Variants in ZMYND8 observed in about 807,000 individuals in gnomAD.
ZMYND8 encodes the protein MYND-type zinc finger-containing chromatin reader ZMYND8.
In ZMYND8, 37 loss-of-function variants were observed where a neutral mutation model predicts 140.8. The ratio of observed to expected loss-of-function variants is 0.26; its 90% CI spans 0.20 to 0.35. The LOEUF (loss-of-function observed/expected upper bound fraction) is 0.35, where lower values mean the gene tolerates loss of function less well. Among genes scored for constraint, ZMYND8 ranks in the 10% least tolerant of loss-of-function variants. The probability of loss-of-function intolerance (pLI) is 1.00; values close to 1 mark genes in which losing one functional copy is unlikely to be tolerated. For missense variants in ZMYND8, 1,068 were observed against 1,570.0 expected (o/e 0.68, Z 5.40); for synonymous variants, 592 against 597.1 (o/e 0.99, Z 0.12).
At chr20:47,341,927 C>T (rs1198886967) in intron 2 of ZMYND8, among the ~76,000 whole-genome samples, 2 of 151,638 alleles carry the variant, frequency 1.3e-5, no homozygotes, top group Admixed American at 6.6e-5. Context: ...GGCGTGAACC[C>T]GGGAGGCGGA....
intron 11 of ZMYND8, among the ~76,000 whole-genome samples, chr20:47,269,012 C>A (rs542418155): frequency 1.5e-4 from 23 of 152,142 alleles, no homozygotes; most frequent in African/African-American, 5.1e-4. Flanking sequence ...ACCGGCCTGG[C>A]CAACATGGCA....
chr20:47,227,150 A>G, intron 18 of ZMYND8, 53 bp downstream of exon 18: 2 of 1,588,412 alleles, frequency 1.3e-6, no homozygotes, highest in South Asian at 1.1e-5. Flanking sequence ...AGAGGTGCAA[A>G]GAAGTTCACA....
chr20:47,341,957 C>CGCGCCACTGCACTCCAGCCTGGGTGACAG (rs2148543565), intron 2 of ZMYND8, among the ~76,000 whole-genome samples: 1 of 150,698 alleles, frequency 6.6e-6, no homozygotes, highest in African/African-American at 2.4e-5. Context: ...GAGCGGAGAT[C>CGCGCCACTGCACTCCAGCCTGGGTGACAG]GCGCCACTGC....
At chr20:47,282,483 G>A (rs1179846453) in intron 9 of ZMYND8, among the ~76,000 whole-genome samples, 2 of 152,096 alleles carry the variant, frequency 1.3e-5, no homozygotes, top group Admixed American at 6.6e-5. Context: ...CCAGCACTTT[G>A]GAAAGCCAAT....
chr20:47,277,302 C>G (rs1301865568), intron 10 of ZMYND8, among the ~76,000 whole-genome samples: 1 of 152,288 alleles, frequency 6.6e-6, no homozygotes, highest in East Asian at 1.9e-4. Flanking sequence ...CATTCGCCTC[C>G]AGGCGTGCAC....
At chr20:47,266,434 C>T (rs906222237) in intron 11 of ZMYND8, among the ~76,000 whole-genome samples, 5 of 152,172 alleles carry the variant, frequency 3.3e-5, no homozygotes, top group African/African-American at 4.8e-5. Flanking sequence ...GCGCCCACCA[C>T]CACGCCCGGC....
At chr20:47,350,023 G>A in intron 1 of ZMYND8, 1 of 1,466,460 alleles carries the variant, frequency 6.8e-7, no homozygotes, top group Non-Finnish European at 9.0e-7. Context: ...TAGTTATGTG[G>A]TGGCTATTTG....
At chr20:47,243,433 T>C (rs2040197816) in intron 14 of ZMYND8, among the ~76,000 whole-genome samples, 1 of 152,232 alleles carries the variant, frequency 6.6e-6, no homozygotes, top group African/African-American at 2.4e-5. Context: ...TAAAGCTTCC[T>C]GGAGAAATTC....
intron 2 of ZMYND8, among the ~76,000 whole-genome samples, chr20:47,334,697 C>T (rs1003858382): frequency 1.3e-5 from 2 of 151,700 alleles, no homozygotes; most frequent in Admixed American, 6.6e-5. Flanking sequence ...GCAACCTCCA[C>T]GTCCCACGTT....
chr20:47,258,623 T>C (rs1401883847), intron 12 of ZMYND8, among the ~76,000 whole-genome samples: 2 of 152,242 alleles, frequency 1.3e-5, no homozygotes, highest in Admixed American at 6.5e-5. Context: ...TTTTCTGATA[T>C]ATTTTTTAAG....
At chr20:47,343,276 C>T (rs914478203) in intron 2 of ZMYND8, among the ~76,000 whole-genome samples, 2 of 152,200 alleles carry the variant, frequency 1.3e-5, no homozygotes, top group Non-Finnish European at 2.9e-5. Flanking sequence ...CAGAACGAGG[C>T]TGTCTCAAAC....
intron 1 of ZMYND8, chr20:47,348,211 C>CT: frequency 2.3e-6 from 1 of 430,792 alleles, no homozygotes; most frequent in South Asian, 2.2e-5. Flanking sequence ...CAATTACAAC[C>CT]TACCCCTGTG....
At chr20:47,245,985 T>C in intron 14 of ZMYND8, 23 bp downstream of exon 14, 1 of 1,550,324 alleles carries the variant, frequency 6.5e-7, no homozygotes, top group Non-Finnish European at 8.7e-7. Context: ...TTAAGAAAAC[T>C]GGAAACAGAT....
intron 1 of ZMYND8, among the ~76,000 whole-genome samples, chr20:47,355,271 G>GA (rs1271914192): frequency 6.6e-6 from 1 of 152,116 alleles, no homozygotes; most frequent in Non-Finnish European, 1.5e-5. Flanking sequence ...AGGTTATCAG[G>GA]AAAAACAGTG....
chr20:47,348,336 CT>C (rs1602161647), intron 1 of ZMYND8: 1 of 214,116 alleles, frequency 4.7e-6, no homozygotes, highest in East Asian at 1.4e-4. Flanking sequence ...TCGCTGAATA[CT>C]TTAGGGCAAA....
At chr20:47,247,380 G>A (rs2040694429) in intron 13 of ZMYND8, among the ~76,000 whole-genome samples, 1 of 152,194 alleles carries the variant, frequency 6.6e-6, no homozygotes. Flanking sequence ...CTCGTGGAAA[G>A]TCAACTGCCA....
rs375579017 is a variant in ZMYND8 at position 47,252,099 on chromosome 20, G to A, written c.1622-2660C>T. Reference sequence around the variant, plus strand: ...ACTTGAGGTCGGGGGTTCAAGATCCGCCTGGCTAACATGGTGAAATCCCGT... The same window carrying A: ...ACTTGAGGTCGGGGGTTCAAGATCCACCTGGCTAACATGGTGAAATCCCGT... On this transcript the variant is annotated intron_variant, in intron 12 of 22. Coordinates refer to ENST00000471951, the MANE Select transcript of ZMYND8 (RefSeq NM_001281775.3). Among the ~76,000 whole-genome samples, 34 of 152,046 alleles carry A rather than the reference G, an allele frequency of 2.2e-4. No individual in the cohort carries two copies. In the East Asian group the frequency reaches 5.6e-3, roughly 25 times the overall value.
At chr20:47,248,768 A>G (rs2073931257) in intron 13 of ZMYND8, among the ~76,000 whole-genome samples, 1 of 152,144 alleles carries the variant, frequency 6.6e-6, no homozygotes, top group African/African-American at 2.4e-5. Flanking sequence ...GACTTCCTGG[A>G]GGAGGTGAGA....
At chr20:47,259,612 A>G (rs887093586) in intron 12 of ZMYND8, among the ~76,000 whole-genome samples, 1 of 152,094 alleles carries the variant, frequency 6.6e-6, no homozygotes, top group Non-Finnish European at 1.5e-5. Context: ...TGGAGGCTCC[A>G]GGGCAACACA....
Sources: allele counts gnomAD v4.1 joint callset (sites outside exome capture counted in the v4.1 genomes callset), GRCh38; gene constraint gnomAD v4.1.1; transcripts MANE v1.5; gene names NCBI Gene and HGNC (gene_info 2026-07-23, HGNC 2026-07-21).